CCDC83: variants seen among roughly 807,000 people sequenced by gnomAD.
CCDC83 encodes coiled-coil domain containing 83, also known as coiled-coil domain-containing protein 83.
Under a neutral mutation model 50.1 loss-of-function variants are expected in CCDC83, and 54 were observed. The ratio of observed to expected loss-of-function variants is 1.08; its 90% CI spans 0.87 to 1.35. The LOEUF (loss-of-function observed/expected upper bound fraction) is 1.35, where lower values mean the gene tolerates loss of function less well. CCDC83 is among the 40% of genes most tolerant of loss of function. CCDC83 has a pLI of 0.00. For missense variants in CCDC83, 518 were observed against 473.9 expected, an observed-to-expected ratio of 1.09 and a Z score of -0.86; for synonymous variants, 161 against 153.3, an observed-to-expected ratio of 1.05 and a Z score of -0.37.
At chr11:85,883,744 C>T (rs530012238) in intron 4 of CCDC83, among the ~76,000 whole-genome samples, 1 of 152,288 alleles carries the variant, frequency 6.6e-6, no homozygotes, top group African/African-American at 2.4e-5. Flanking sequence ...AGGAAATCCA[C>T]GTATTTCTGG....
chr11:85,917,199 AAAGAAAGAAG>A (rs2093484504), intron 10 of CCDC83, among the ~76,000 whole-genome samples: 1 of 130,230 alleles, frequency 7.7e-6, no homozygotes. Flanking sequence ...AAAGAGAAAG[AAAGAAAGAAG>A]GAAAGAAAGA....
chr11:85,886,181 G>A lies in CCDC83; in HGVS notation c.344-19G>A. The A allele has an allele frequency of 6.6e-7, 1 of 1,513,454 alleles. No individual in the cohort carries two copies. The allele number at this position is 1,513,454 out of a possible 1,614,324, so 93.8% of individuals were successfully genotyped here. A position where few individuals can be genotyped will look rare whatever the true frequency, so the allele number is the denominator to read the frequency against. ...TTACAAGGAAAACAGAAATGACACA[G>A]TGTCTTTATTTTCAACAGATATGCG... On this transcript the variant is annotated intron_variant, in intron 4 of 10. Coordinates refer to ENST00000342404, the MANE Select transcript of CCDC83 (RefSeq NM_001286159.2).
intron 1 of CCDC83, among the ~76,000 whole-genome samples, chr11:85,864,692 T>C (rs879261752): frequency 5.9e-5 from 9 of 152,130 alleles, no homozygotes; most frequent in Admixed American, 1.3e-4. Flanking sequence ...TCATAGAAAA[T>C]TGTAGTTTTG....
chr11:85,895,625 GT>G (rs2093370833), intron 6 of CCDC83, among the ~76,000 whole-genome samples: 1 of 152,058 alleles, frequency 6.6e-6, no homozygotes, highest in South Asian at 2.1e-4. Flanking sequence ...AAGTTAGACA[GT>G]TTGAGTTTAA....
At chr11:85,880,777 C>T (rs192785666) in intron 3 of CCDC83, among the ~76,000 whole-genome samples, 28 of 152,070 alleles carry the variant, frequency 1.8e-4, no homozygotes, top group African/African-American at 6.3e-4. Context: ...TGACATAGTT[C>T]GAGTACCCCT....
intron 8 of CCDC83, among the ~76,000 whole-genome samples, chr11:85,912,014 C>T (rs1041781673): frequency 7.9e-5 from 12 of 151,898 alleles, no homozygotes; most frequent in African/African-American, 2.9e-4. Context: ...AAACCTAGGG[C>T]CCTTGAATAT....
chr11:85,882,488 G>A, intron 3 of CCDC83, 25 bp from the exon 4 acceptor site: 1 of 1,610,658 alleles, frequency 6.2e-7, no homozygotes, highest in Non-Finnish European at 8.5e-7. Context: ...GATCAAACGT[G>A]AATTACTGTT....
At chr11:85,896,762 A>AT (rs11313356) in intron 6 of CCDC83, among the ~76,000 whole-genome samples, 19,047 of 146,722 alleles carry the variant, frequency 0.13, 1,366 homozygotes, top group East Asian at 0.25. Context: ...AAAATATCTG[A>AT]TTTTTTTTTT....
intron 4 of CCDC83, among the ~76,000 whole-genome samples, chr11:85,884,384 C>T (rs1398301155): frequency 1.3e-5 from 2 of 152,160 alleles, no homozygotes; most frequent in Non-Finnish European, 2.9e-5. Context: ...TGCCAATTCC[C>T]AGGCCCCACC....
chr11:85,915,716 T>C (rs527518992), intron 9 of CCDC83, among the ~76,000 whole-genome samples: 1 of 152,326 alleles, frequency 6.6e-6, no homozygotes, highest in Non-Finnish European at 1.5e-5. Context: ...TGTTTCACAG[T>C]AAATTAAATA....
intron 10 of CCDC83, among the ~76,000 whole-genome samples, chr11:85,917,218 G>A (rs1313158125): frequency 7.9e-5 from 11 of 139,940 alleles, no homozygotes; most frequent in Non-Finnish European, 1.7e-4. Flanking sequence ...AGGAAAGAAA[G>A]AAAGAAAGAA....
intron 7 of CCDC83, among the ~76,000 whole-genome samples, chr11:85,901,907 T>C (rs2135104518): frequency 6.6e-6 from 1 of 151,800 alleles, no homozygotes; most frequent in East Asian, 1.9e-4. Flanking sequence ...GGTGCAGGCC[T>C]GTGGTCTCAG....
intron 2 of CCDC83, among the ~76,000 whole-genome samples, chr11:85,871,486 C>A (rs1290673537): frequency 6.6e-6 from 1 of 151,820 alleles, no homozygotes; most frequent in African/African-American, 2.4e-5. Context: ...AAAGAAAGAG[C>A]CTAGTTTTTC....
chr11:85,879,471 T>C (rs1292290484), intron 3 of CCDC83, among the ~76,000 whole-genome samples: 9 of 152,148 alleles, frequency 5.9e-5, no homozygotes, highest in African/African-American at 1.9e-4. Flanking sequence ...CCAAAGAAGA[T>C]ATACAAATGG....
chr11:85,880,869 T>C (rs1236474120), intron 3 of CCDC83, among the ~76,000 whole-genome samples: 1 of 152,208 alleles, frequency 6.6e-6, no homozygotes, highest in Non-Finnish European at 1.5e-5. Context: ...CAGAATGATA[T>C]ATCTTGGGGA....
At chr11:85,890,891 T>G (rs915478416) in intron 5 of CCDC83, among the ~76,000 whole-genome samples, 1 of 152,222 alleles carries the variant, frequency 6.6e-6, no homozygotes. Context: ...TCATAGGATT[T>G]ACCATATATT....
chr11:85,871,937 T>C (rs1228142485), intron 2 of CCDC83, among the ~76,000 whole-genome samples: 1 of 152,212 alleles, frequency 6.6e-6, no homozygotes, highest in East Asian at 1.9e-4. Context: ...AGATATACTA[T>C]AAAGTTTTAA....
At chr11:85,891,809 A>T (rs1204665765) in intron 5 of CCDC83, among the ~76,000 whole-genome samples, 1 of 152,190 alleles carries the variant, frequency 6.6e-6, no homozygotes, top group Non-Finnish European at 1.5e-5. Context: ...TTTAAAGATA[A>T]GAAAACAGGC....
intron 3 of CCDC83, among the ~76,000 whole-genome samples, chr11:85,877,133 T>C (rs1417407269): frequency 6.6e-6 from 1 of 152,212 alleles, no homozygotes; most frequent in East Asian, 1.9e-4. Context: ...GAAATTAATA[T>C]AGATGATATT....
Sources: gnomAD v4.1 joint callset for allele counts (sites outside exome capture counted in the v4.1 genomes callset) on GRCh38, gnomAD v4.1.1 for gene constraint, MANE v1.5 for transcripts, NCBI Gene and HGNC (gene_info 2026-07-23, HGNC 2026-07-21) for gene names.